The following ADGRB3 variants were observed in gnomAD, a reference collection of about 807,000 sequenced individuals.
The protein encoded by ADGRB3 is adhesion G protein-coupled receptor B3, also known as brain-specific angiogenesis inhibitor 3.
A neutral mutation model predicts 193.4 loss-of-function variants in ADGRB3; 37 were observed. That is an observed-to-expected ratio of 0.19 (90% CI 0.15 to 0.25). ADGRB3 has a LOEUF of 0.25. ADGRB3 is among the 10% of genes least tolerant of loss of function. The pLI is 1.00. For missense variants in ADGRB3, 1,637 were observed against 1,852.9 expected (o/e 0.88, Z 2.14); for synonymous variants, 690 against 644.2 (o/e 1.07, Z -1.08).
At chr6:69,146,476 G>A (rs536568376) in intron 17 of ADGRB3, among the ~76,000 whole-genome samples, 13 of 152,338 alleles carry the variant, frequency 8.5e-5, no homozygotes, top group African/African-American at 3.1e-4. Context: ...CTCAGAGGGT[G>A]GGGCTCCTGC....
chr6:68,881,658 T>G (rs936573157), intron 3 of ADGRB3, among the ~76,000 whole-genome samples: 5 of 152,214 alleles, frequency 3.3e-5, no homozygotes, highest in African/African-American at 1.2e-4. Context: ...ATTTAGTCTC[T>G]GACACCAGAA....
At chr6:68,979,211 T>C (rs1768837064) in intron 10 of ADGRB3, among the ~76,000 whole-genome samples, 1 of 151,400 alleles carries the variant, frequency 6.6e-6, no homozygotes, top group African/African-American at 2.4e-5. Context: ...AGCACGACTT[T>C]GCTACTTTTC....
At chr6:68,980,242 C>T (rs551626669) in intron 10 of ADGRB3, among the ~76,000 whole-genome samples, 1 of 151,456 alleles carries the variant, frequency 6.6e-6, no homozygotes, top group South Asian at 2.1e-4. Flanking sequence ...TCATCTTTAC[C>T]TAACATTTTT....
chr6:68,738,834 C>A (rs1470037533), intron 3 of ADGRB3, among the ~76,000 whole-genome samples: 1 of 152,000 alleles, frequency 6.6e-6, no homozygotes, highest in Admixed American at 6.6e-5. Context: ...AATATGGGAG[C>A]TGTCAGTGGA....
chr6:69,213,957 T>G (rs1454871914), intron 17 of ADGRB3, among the ~76,000 whole-genome samples: 1 of 152,108 alleles, frequency 6.6e-6, no homozygotes, highest in African/African-American at 2.4e-5. Flanking sequence ...ACCTAAAAAT[T>G]GAGTAGGGGA....
intron 30 of ADGRB3, among the ~76,000 whole-genome samples, chr6:69,376,963 T>C (rs1249457807): frequency 6.6e-6 from 1 of 152,018 alleles, no homozygotes; most frequent in Non-Finnish European, 1.5e-5. Flanking sequence ...CTGCATCTAG[T>C]TTCTTTTAAA....
At chr6:69,196,280 T>C (rs909865642) in intron 17 of ADGRB3, among the ~76,000 whole-genome samples, 1 of 152,160 alleles carries the variant, frequency 6.6e-6, no homozygotes, top group Non-Finnish European at 1.5e-5. Flanking sequence ...TTCCATGTAA[T>C]AATAGATCTG....
chr6:69,218,840 T>C (rs1245633268), intron 17 of ADGRB3, among the ~76,000 whole-genome samples: 2 of 152,120 alleles, frequency 1.3e-5, no homozygotes. Context: ...AAATATTTTC[T>C]CAAAAACTGC....
At chr6:69,196,335 A>G (rs73745979) in intron 17 of ADGRB3, among the ~76,000 whole-genome samples, 21,821 of 152,068 alleles carry the variant, frequency 0.14, 1,629 homozygotes, top group Middle Eastern at 0.17. Flanking sequence ...GCCTTTCTGT[A>G]TTAGCTGGCT....
chr6:68,879,519 C>T (rs186473108), intron 3 of ADGRB3, among the ~76,000 whole-genome samples: 5 of 152,124 alleles, frequency 3.3e-5, no homozygotes, highest in Non-Finnish European at 7.3e-5. Flanking sequence ...TGAGCCACCG[C>T]GCCTGGCCTA....
Position 68,693,999 on chromosome 6 carries a change from T to C in ADGRB3, c.757+54567T>C, listed in dbSNP as rs1026663158. Among the ~76,000 whole-genome samples the C allele has an allele frequency of 7.9e-5, 12 of 152,160 alleles. 1 individual carries two copies. Among genetic ancestry groups the C allele is most frequent in the African/African-American group, 2.4e-4 (10 of 41,556 alleles). ...TTCTCTTAGTGTTTCTTTTCTGTGATGTATATTGGTCTTTGATTTTCATGC... is the reference window on the plus strand; with the variant it reads ...TTCTCTTAGTGTTTCTTTTCTGTGACGTATATTGGTCTTTGATTTTCATGC... On this transcript the variant is annotated intron_variant, in intron 3 of 31. Coordinates refer to ENST00000370598, the MANE Select transcript of ADGRB3 (RefSeq NM_001704.3).
Position 68,974,743 on chromosome 6 carries a change from C to A in ADGRB3, c.1526-20C>A. 1.2e-6 allele frequency: 2 copies of A among 1,608,384 alleles called. No homozygotes were observed. Among genetic ancestry groups the A allele is most frequent in the South Asian group, 1.1e-5 (1 of 90,820 alleles). ...TTTTAAACACTACTGACATTCAAGT[C>A]CCTTTGTTTAAAATTGCAGCACCTT... On this transcript the variant is annotated intron_variant, in intron 8 of 31. Transcript: ENST00000370598.
intron 3 of ADGRB3, among the ~76,000 whole-genome samples, chr6:68,812,181 T>G (rs767160450): frequency 1.2e-4 from 19 of 152,144 alleles, no homozygotes; most frequent in Admixed American, 3.3e-4. Flanking sequence ...AGGCCTAATA[T>G]AAGAAGTGTA....
At chr6:68,786,012 C>T (rs553321004) in intron 3 of ADGRB3, among the ~76,000 whole-genome samples, 65 of 151,680 alleles carry the variant, frequency 4.3e-4, no homozygotes, top group African/African-American at 1.5e-3. Flanking sequence ...TTGTTTTTTT[C>T]TTGTAAATTT....
At chr6:68,751,292 C>T (rs1044980906) in intron 3 of ADGRB3, among the ~76,000 whole-genome samples, 2 of 152,134 alleles carry the variant, frequency 1.3e-5, no homozygotes, top group African/African-American at 4.8e-5. Flanking sequence ...CAATTTATCC[C>T]TCTCGGTAAG....
chr6:68,640,456 G>A (rs1417992710), intron 3 of ADGRB3, among the ~76,000 whole-genome samples: 1 of 152,200 alleles, frequency 6.6e-6, no homozygotes. Flanking sequence ...GAAGGTTAAT[G>A]GATGTTGTGT....
At chr6:68,662,924 A>G (rs755384595) in intron 3 of ADGRB3, among the ~76,000 whole-genome samples, 113 of 150,758 alleles carry the variant, frequency 7.5e-4, no homozygotes, top group Non-Finnish European at 1.4e-3. Flanking sequence ...GCTATTATTT[A>G]TATTATAATA....
chr6:69,253,714 T>G (rs535636597), intron 20 of ADGRB3, among the ~76,000 whole-genome samples: 67 of 152,158 alleles, frequency 4.4e-4, no homozygotes, highest in Non-Finnish European at 4.7e-4. Context: ...CTTTTGGATA[T>G]TTTATGTGAT....
chr6:69,387,661 C>T (rs184144055), intron 31 of ADGRB3, among the ~76,000 whole-genome samples: 13 of 152,008 alleles, frequency 8.6e-5, no homozygotes, highest in African/African-American at 1.7e-4. Context: ...CAGCCTCCCA[C>T]GTAGCTAGAA....
Sources: gnomAD v4.1 joint callset for allele counts (sites outside exome capture counted in the v4.1 genomes callset) on GRCh38, gnomAD v4.1.1 for gene constraint, MANE v1.5 for transcripts, NCBI Gene and HGNC (gene_info 2026-07-23, HGNC 2026-07-21) for gene names.